The following KLHL1 variants were observed in gnomAD, a reference collection of about 807,000 sequenced individuals.
The protein encoded by KLHL1 is kelch like family member 1.
KLHL1 carries 47 observed loss-of-function variants against 77.7 expected under a neutral mutation model. The observed-to-expected ratio is 0.60, with a 90% CI of 0.48 to 0.77. The LOEUF (loss-of-function observed/expected upper bound fraction) is 0.77. Among genes scored for constraint, KLHL1 ranks in the 30% least tolerant of loss-of-function variants. The pLI, the probability that KLHL1 is intolerant of heterozygous loss-of-function variation, is 0.00. For missense variants in KLHL1, 925 were observed against 910.8 expected (o/e 1.02, Z -0.20); for synonymous variants, 360 against 325.2 (o/e 1.11, Z -1.15).
chr13:69,922,963 A>G (rs1882691325), intron 4 of KLHL1, among the ~76,000 whole-genome samples: 1 of 152,228 alleles, frequency 6.6e-6, no homozygotes, highest in African/African-American at 2.4e-5. Context: ...ATAAAGATGA[A>G]ATATTTGAAA....
In KLHL1 at chr13:69,857,321, T is replaced by C. The variant is rs563141471; in HGVS notation, c.1228-18159A>G. Among the ~76,000 whole-genome samples, 30 of 152,172 alleles carry C rather than the reference T, an allele frequency of 2.0e-4. No homozygotes were observed. The South Asian group carries it at 5.4e-3, about 27-fold the overall frequency. The stretch of plus-strand genomic sequence containing the variant: ...AAGTCTTCCCTGATGCCAGGGCATA[T>C]TGACTACTCCTCCCTTTGTGCCTCC... On this transcript the variant is annotated intron_variant, in intron 5 of 10. Coordinates refer to ENST00000377844, the MANE Select transcript of KLHL1 (RefSeq NM_020866.3).
In KLHL1 at chr13:70,107,774, G is replaced by T; in HGVS notation, c.-75C>A. 1.7e-6 allele frequency: 2 copies of T among 1,174,504 alleles called. No homozygotes were observed. The highest frequency in any genetic ancestry group is 2.3e-6 in the Non-Finnish European group (2 of 860,384). The allele number at this position is 1,174,504 out of a possible 1,614,324, so 72.8% of individuals were successfully genotyped here. On this transcript the variant is annotated 5_prime_UTR_variant, in exon 1 of 11. Coordinates refer to ENST00000377844, the MANE Select transcript of KLHL1 (RefSeq NM_020866.3). ...GGTCAGCAGGTGGGGGAGGACAGCG[G>T]GGCCCGGGGGCGGAGGAAGAGGCGG...
At chr13:69,964,432 C>G (rs1345473079) in intron 2 of KLHL1, among the ~76,000 whole-genome samples, 1 of 151,958 alleles carries the variant, frequency 6.6e-6, no homozygotes, top group African/African-American at 2.4e-5. Context: ...ACTTTTTTCT[C>G]TTGATCTTAG....
At chr13:69,795,877 G>T (rs1877081767) in intron 7 of KLHL1, among the ~76,000 whole-genome samples, 1 of 152,096 alleles carries the variant, frequency 6.6e-6, no homozygotes, top group Non-Finnish European at 1.5e-5. Flanking sequence ...AACGTTTATT[G>T]TCCTCTTCCC....
At chr13:69,784,592 C>G (rs1350751692) in intron 7 of KLHL1, among the ~76,000 whole-genome samples, 1 of 151,192 alleles carries the variant, frequency 6.6e-6, no homozygotes, top group African/African-American at 2.4e-5. Context: ...CAAAGAAGGC[C>G]ATTACATAAT....
intron 1 of KLHL1, among the ~76,000 whole-genome samples, chr13:70,040,829 C>T (rs1886361678): frequency 6.6e-6 from 1 of 151,882 alleles, no homozygotes; most frequent in Admixed American, 6.6e-5. Context: ...TAAGTCTTAC[C>T]CCCATTTTCA....
At chr13:70,035,844 G>T (rs539049883) in intron 1 of KLHL1, among the ~76,000 whole-genome samples, 19 of 152,018 alleles carry the variant, frequency 1.2e-4, no homozygotes, top group African/African-American at 4.1e-4. Context: ...AAATGGATAT[G>T]TCTAGTATTT....
chr13:69,912,009 T>A (rs1882255934), intron 4 of KLHL1, among the ~76,000 whole-genome samples: 1 of 152,124 alleles, frequency 6.6e-6, no homozygotes, highest in African/African-American at 2.4e-5. Context: ...TTCTATTTGG[T>A]TGAACTTCCC....
intron 7 of KLHL1, among the ~76,000 whole-genome samples, chr13:69,794,842 TAAAGTTACCTCTCAGG>T (rs995181917): frequency 6.6e-6 from 1 of 152,142 alleles, no homozygotes; most frequent in African/African-American, 2.4e-5. Context: ...GGCTGAATAT[TAAAGTTACCTCTCAGG>T]AAAGGATAAA....
At chr13:69,897,426 C>A (rs1278169287) in intron 4 of KLHL1, among the ~76,000 whole-genome samples, 1 of 152,200 alleles carries the variant, frequency 6.6e-6, no homozygotes, top group East Asian at 1.9e-4. Context: ...TACAATGCAA[C>A]AACTAATTGA....
At chr13:69,837,074 T>C (rs1286372266) in intron 6 of KLHL1, among the ~76,000 whole-genome samples, 2 of 151,938 alleles carry the variant, frequency 1.3e-5, no homozygotes, top group African/African-American at 2.4e-5. Flanking sequence ...AGACAAAATT[T>C]TTTTGACAAG....
At chr13:70,068,589 A>G (rs1346173548) in intron 1 of KLHL1, among the ~76,000 whole-genome samples, 1 of 152,202 alleles carries the variant, frequency 6.6e-6, no homozygotes, top group South Asian at 2.1e-4. Context: ...TACAGTGGGT[A>G]TGCACATGCT....
intron 1 of KLHL1, among the ~76,000 whole-genome samples, chr13:69,995,222 T>C (rs900695465): frequency 6.6e-6 from 1 of 152,146 alleles, no homozygotes; most frequent in Non-Finnish European, 1.5e-5. Context: ...ATTTACTATC[T>C]GGTATTTTAC....
intron 7 of KLHL1, among the ~76,000 whole-genome samples, chr13:69,783,972 T>TAACA (rs1313694822): frequency 3.9e-5 from 6 of 152,154 alleles, no homozygotes; most frequent in East Asian, 1.9e-4. Context: ...CCCATCAGAC[T>TAACA]AACAGCTGAT....
intron 4 of KLHL1, among the ~76,000 whole-genome samples, chr13:69,930,721 G>A (rs949696691): frequency 1.3e-5 from 2 of 151,684 alleles, no homozygotes; most frequent in Admixed American, 1.3e-4. Flanking sequence ...GTAGGATAAT[G>A]ATCACACAAG....
At chr13:69,908,110 C>T (rs972461844) in intron 4 of KLHL1, among the ~76,000 whole-genome samples, 2 of 151,970 alleles carry the variant, frequency 1.3e-5, no homozygotes, top group African/African-American at 4.8e-5. Context: ...AGCTCTGGAA[C>T]TCAGGACTGA....
At chr13:69,779,873 C>T (rs1413127969) in intron 7 of KLHL1, among the ~76,000 whole-genome samples, 8 of 151,886 alleles carry the variant, frequency 5.3e-5, no homozygotes, top group African/African-American at 1.7e-4. Context: ...TGCAATGGTG[C>T]GATCTCGGCT....
At chr13:70,007,223 T>C (rs1327290446) in intron 1 of KLHL1, among the ~76,000 whole-genome samples, 1 of 152,068 alleles carries the variant, frequency 6.6e-6, no homozygotes, top group African/African-American at 2.4e-5. Context: ...AAATCAAATG[T>C]GTATTTTTAT....
chr13:69,795,814 T>A (rs1334516025), intron 7 of KLHL1, among the ~76,000 whole-genome samples: 1 of 152,162 alleles, frequency 6.6e-6, no homozygotes, highest in African/African-American at 2.4e-5. Context: ...AGGGAACAGA[T>A]AAACCCTGTC....
Sources: allele counts gnomAD v4.1 joint callset (sites outside exome capture counted in the v4.1 genomes callset), GRCh38; gene constraint gnomAD v4.1.1; transcripts MANE v1.5; gene names NCBI Gene and HGNC (gene_info 2026-07-23, HGNC 2026-07-21).